WFDC3: variants seen among roughly 807,000 people sequenced by gnomAD.
WFDC3 encodes the protein WAP four-disulfide core domain 3.
WFDC3 carries 15 observed loss-of-function variants against 25.8 expected under a neutral mutation model. The observed-to-expected ratio is 0.58, with a 90% CI of 0.39 to 0.89. The LOEUF (loss-of-function observed/expected upper bound fraction) is 0.89, where lower values mean the gene tolerates loss of function less well. WFDC3 is among the 40% of genes least tolerant of loss of function. The pLI is 0.00. For missense variants in WFDC3, 264 were observed against 289.8 expected, an observed-to-expected ratio of 0.91 and a Z score of 0.65; for synonymous variants, 103 against 107.1, an observed-to-expected ratio of 0.96 and a Z score of 0.24.
intron 1 of WFDC3, among the ~76,000 whole-genome samples, chr20:45,791,173 CTTTTTTTTTTTTT>C (rs71181859): frequency 1.0e-3 from 65 of 63,916 alleles, no homozygotes; most frequent in Middle Eastern, 0.019. Context: ...GCCTAATATG[CTTTTTTTTTTTTT>C]TTTTTTTTTT....
intron 4 of WFDC3, among the ~76,000 whole-genome samples, chr20:45,782,162 T>TC (rs1334822045): frequency 2.6e-5 from 4 of 152,014 alleles, no homozygotes; most frequent in Non-Finnish European, 2.9e-5. Context: ...CAAAACCTCT[T>TC]CCCCCAGGTT....
At chr20:45,789,158 T>C in intron 2 of WFDC3, 99 bp from the exon 3 acceptor site, 1 of 1,471,690 alleles carries the variant, frequency 6.8e-7, no homozygotes, top group Non-Finnish European at 9.2e-7. Context: ...AAAATATTTC[T>C]GCACCACTGC....
chr20:45,791,089 G>C, intron 1 of WFDC3: 1 of 370,002 alleles, frequency 2.7e-6, no homozygotes, highest in Middle Eastern at 4.1e-4. Flanking sequence ...TTGGAGCCAG[G>C]AAGTCGCCCT....
At chr20:45,789,394 T>C (rs1980840602) in intron 2 of WFDC3, among the ~76,000 whole-genome samples, 1 of 151,136 alleles carries the variant, frequency 6.6e-6, no homozygotes. Context: ...TAGTCCCAGC[T>C]ACTCGGGAGG....
chr20:45,782,912 C>T (rs1980511755), intron 4 of WFDC3, among the ~76,000 whole-genome samples: 1 of 152,130 alleles, frequency 6.6e-6, no homozygotes, highest in African/African-American at 2.4e-5. Context: ...AGAGAGAAGC[C>T]CTGAAGACCC....
chr20:45,789,156 TCTGCACCA>T (rs1418373146), intron 2 of WFDC3, 97 bp from the exon 3 acceptor site: 1 of 1,506,698 alleles, frequency 6.6e-7, no homozygotes, highest in African/African-American at 1.4e-5. Context: ...CCAAAATATT[TCTGCACCA>T]CTGCACTCTA....
Position 45,789,976 on chromosome 20 carries a change from G to A in WFDC3, c.-1C>T, listed in dbSNP as rs756991933. On this transcript the variant is annotated 5_prime_UTR_variant, in exon 2 of 7. Transcript: ENST00000243938. Reference sequence around the variant, plus strand: ...GAAGAAAGAGGCAGCTTAACATCATGATGATGCTGAGAGTTGGGACAAGAG... The same window carrying A: ...GAAGAAAGAGGCAGCTTAACATCATAATGATGCTGAGAGTTGGGACAAGAG... 1.9e-6 allele frequency: 3 copies of A among 1,614,004 alleles called. No homozygotes were observed. In the South Asian group the frequency reaches 3.3e-5, roughly 18 times the overall value.
At chr20:45,790,807 C>A in intron 1 of WFDC3, 1 of 416,678 alleles carries the variant, frequency 2.4e-6, no homozygotes. Flanking sequence ...TAATGAAAAG[C>A]ACCAAACACC....
At chr20:45,778,915 G>A (rs2145683268) in intron 4 of WFDC3, 1 of 151,444 alleles carries the variant, frequency 6.6e-6, no homozygotes, top group South Asian at 2.1e-4. Flanking sequence ...TTAGCATCAT[G>A]GAGCCACCAT....
chr20:45,776,660 A>ATGTGTGTGTGTGTGTGTG (rs1555812785), intron 5 of WFDC3, among the ~76,000 whole-genome samples: 3 of 93,304 alleles, frequency 3.2e-5, no homozygotes, highest in African/African-American at 1.3e-4. Context: ...ATATATATAT[A>ATGTGTGTGTGTGTGTGTG]TGTGTGTGTG....
At chr20:45,774,915 C>G (rs1980061645) in intron 6 of WFDC3, among the ~76,000 whole-genome samples, 1 of 147,326 alleles carries the variant, frequency 6.8e-6, no homozygotes, top group South Asian at 2.2e-4. Context: ...GCACTCCAGC[C>G]TGGGTGACAA....
chr20:45,785,965 T>C (rs534535651), intron 4 of WFDC3, among the ~76,000 whole-genome samples: 1 of 152,302 alleles, frequency 6.6e-6, no homozygotes, highest in Non-Finnish European at 1.5e-5. Flanking sequence ...GGCAAGCTCC[T>C]AGTCATCTTA....
chr20:45,777,261 T>A (rs373046306), intron 4 of WFDC3, 52 bp from the exon 5 acceptor site: 11 of 1,413,562 alleles, frequency 7.8e-6, no homozygotes, highest in Non-Finnish European at 1.0e-5. Context: ...TGAAACACAT[T>A]TTTCATTGTG....
chr20:45,783,259 T>C (rs928269676), intron 4 of WFDC3, among the ~76,000 whole-genome samples: 2 of 152,146 alleles, frequency 1.3e-5, no homozygotes, highest in Non-Finnish European at 2.9e-5. Flanking sequence ...ACAGAGGTAC[T>C]TGGCATGACC....
chr20:45,787,282 C>CTTTTTTTTT (rs1158318114), intron 4 of WFDC3, among the ~76,000 whole-genome samples: 17 of 73,676 alleles, frequency 2.3e-4, no homozygotes, highest in East Asian at 7.9e-4. Context: ...TTTCTTTTTT[C>CTTTTTTTTT]TTTTTTTTTT....
intron 4 of WFDC3, among the ~76,000 whole-genome samples, chr20:45,783,444 C>T (rs1340003030): frequency 2.0e-5 from 3 of 151,960 alleles, no homozygotes; most frequent in African/African-American, 2.4e-5. Flanking sequence ...CACCACTGCA[C>T]TCCAGCCTGG....
intron 6 of WFDC3, among the ~76,000 whole-genome samples, 194 bp downstream of exon 6, chr20:45,775,223 G>C (rs1980079718): frequency 2.0e-5 from 3 of 151,986 alleles, no homozygotes; most frequent in Admixed American, 2.0e-4. Context: ...GTTCTCATCT[G>C]GGACACAGGT....
chr20:45,777,640 T>C (rs961299303), intron 4 of WFDC3, among the ~76,000 whole-genome samples: 1 of 152,178 alleles, frequency 6.6e-6, no homozygotes. Context: ...CACCACAGCC[T>C]CCTGAGTACC....
At chr20:45,774,958 A>T (rs1980066414) in intron 6 of WFDC3, among the ~76,000 whole-genome samples, 1 of 151,672 alleles carries the variant, frequency 6.6e-6, no homozygotes, top group Admixed American at 6.6e-5. Flanking sequence ...AAAAAAAAAA[A>T]AAACTGGAGA....
Sources: gnomAD v4.1 joint callset for allele counts (sites outside exome capture counted in the v4.1 genomes callset) on GRCh38, gnomAD v4.1.1 for gene constraint, MANE v1.5 for transcripts, NCBI Gene and HGNC (gene_info 2026-07-23, HGNC 2026-07-21) for gene names.